CPEB3: variants seen among roughly 807,000 people sequenced by gnomAD.
The protein encoded by CPEB3 is cytoplasmic polyadenylation element binding protein 3.
Under a neutral mutation model 67.2 loss-of-function variants are expected in CPEB3, and 20 were observed. That is an observed-to-expected ratio of 0.30 (90% CI 0.21 to 0.43). The LOEUF is 0.43. CPEB3 is among the 20% of genes least tolerant of loss of function. CPEB3 has a pLI of 1.00. For synonymous variants in CPEB3, 376 were observed against 393.1 expected, an observed-to-expected ratio of 0.96 and a Z score of 0.51; for missense variants, 746 against 968.6, an observed-to-expected ratio of 0.77 and a Z score of 3.05.
In CPEB3 at chr10:92,049,746, T is replaced by A. The variant is rs1852222733; in HGVS notation, c.*2466A>T. 6.6e-6 allele frequency: 1 copy of A among 152,632 alleles called. No individual in the cohort carries two copies. Among genetic ancestry groups the A allele is most frequent in the Non-Finnish European group, 1.5e-5 (1 of 68,030 alleles). The allele number at this position is 152,632 out of a possible 1,614,324, so 9.5% of individuals were successfully genotyped here. ...CAATCTTCCAGCTTTTAAAAAAATC[T>A]CAGTGTTATTTTAATACATGAAAGA... On this transcript the variant is annotated 3_prime_UTR_variant, in exon 10 of 10. Coordinates refer to ENST00000265997, the MANE Select transcript of CPEB3 (RefSeq NM_014912.5).
At chr10:92,207,011 G>A (rs1590387697) in intron 2 of CPEB3, among the ~76,000 whole-genome samples, 1 of 151,818 alleles carries the variant, frequency 6.6e-6, no homozygotes, top group Admixed American at 6.6e-5. Flanking sequence ...TTTGAGACAG[G>A]GTCTCACTCT....
chr10:92,257,456 A>T (rs1245522930), intron 1 of CPEB3, among the ~76,000 whole-genome samples: 2 of 151,936 alleles, frequency 1.3e-5, no homozygotes, highest in Non-Finnish European at 2.9e-5. Context: ...CACCACACCC[A>T]GCTAATTTTT....
intron 4 of CPEB3, among the ~76,000 whole-genome samples, chr10:92,180,554 C>T (rs945282368): frequency 1.3e-5 from 2 of 152,214 alleles, no homozygotes; most frequent in African/African-American, 4.8e-5. Context: ...AAAGTAGCCA[C>T]AGACAATCCA....
chr10:92,091,914 T>C lies in CPEB3; in HGVS notation c.1603A>G (p.Ser535Gly). 6.2e-7 allele frequency: 1 copy of C among 1,613,690 alleles called. No individual in the cohort carries two copies. Among genetic ancestry groups the C allele is most frequent in the Non-Finnish European group, 8.5e-7 (1 of 1,179,862 alleles). The change falls in exon 8 of 10, where the codon AGT becomes GGT. Residue 535 changes from serine (S) to glycine (G), a missense_variant. By Grantham distance (56) the Ser-to-Gly change is moderately conservative. This residue lies in a region of CPEB3 where 103 missense variants were observed against 251.1 expected (regional missense o/e 0.41). Transcript: ENST00000265997. The part of the protein sequence containing the change: ...VQIRPWNLSD[S>G]DFVMDGSQPL... The stretch of plus-strand genomic sequence containing the variant: ...TGAGAACCATCCATTACAAAGTCAC[T>C]GTCACTTAGGTTCCATGGTCGAATT...
intron 7 of CPEB3, among the ~76,000 whole-genome samples, chr10:92,109,733 A>G: frequency 6.6e-6 from 1 of 151,962 alleles, no homozygotes; most frequent in East Asian, 1.9e-4. Context: ...TCCAATGAAT[A>G]CTCTCAATAT....
Position 92,052,210 on chromosome 10 carries a change from G to A in CPEB3, c.*2C>T. On this transcript the variant is annotated 3_prime_UTR_variant, in exon 10 of 10. Transcript: ENST00000265997. ...GTACTTGTGGCTGGGTCGGCCCGTG[G>A]CTCAGCTCCAGCGGAACGGGACGTG... 6.2e-7 allele frequency: 1 copy of A among 1,610,680 alleles called. No individual in the cohort carries two copies. The highest frequency in any genetic ancestry group is 1.1e-5 in the South Asian group (1 of 90,904).
intron 9 of CPEB3, among the ~76,000 whole-genome samples, chr10:92,067,706 T>G (rs530736640): frequency 4.0e-5 from 6 of 151,650 alleles, no homozygotes; most frequent in African/African-American, 1.5e-4. Context: ...TAATCCCAGC[T>G]ACTCAGGAGG....
chr10:92,225,825 G>A (rs937929515), intron 2 of CPEB3, among the ~76,000 whole-genome samples: 1 of 152,224 alleles, frequency 6.6e-6, no homozygotes, highest in South Asian at 2.1e-4. Flanking sequence ...TTGGCCGGGT[G>A]CAGTGGCTCA....
chr10:92,189,698 ATTTTTTTTT>A (rs1035403421), intron 3 of CPEB3, among the ~76,000 whole-genome samples: 6 of 88,052 alleles, frequency 6.8e-5, no homozygotes, highest in Non-Finnish European at 8.9e-5. Flanking sequence ...GTCTCTAGTG[ATTTTTTTTT>A]TTTTTTTTTT....
At chr10:92,258,630 A>ATG in intron 1 of CPEB3, among the ~76,000 whole-genome samples, 1 of 10,582 alleles carries the variant, frequency 9.5e-5, no homozygotes, top group East Asian at 1.3e-3. Context: ...TTTTGAATAT[A>ATG]TATATATATA....
chr10:92,111,863 A>C (rs1257977677), intron 6 of CPEB3, among the ~76,000 whole-genome samples: 3 of 152,144 alleles, frequency 2.0e-5, no homozygotes, highest in African/African-American at 2.4e-5. Flanking sequence ...CACACACACA[A>C]AAAGCTTCAA....
intron 2 of CPEB3, among the ~76,000 whole-genome samples, chr10:92,220,623 G>A (rs924387025): frequency 2.0e-5 from 3 of 150,522 alleles, no homozygotes; most frequent in Admixed American, 1.3e-4. Context: ...AAACAAGACA[G>A]GATCCTTTTG....
At chr10:92,061,630 CA>C (rs1192901845) in intron 9 of CPEB3, among the ~76,000 whole-genome samples, 1 of 151,934 alleles carries the variant, frequency 6.6e-6, no homozygotes, top group Admixed American at 6.6e-5. Context: ...ATCTAAAAAT[CA>C]AAACAATTGA....
chr10:92,119,593 C>G (rs1475869099), intron 6 of CPEB3, among the ~76,000 whole-genome samples: 1 of 152,098 alleles, frequency 6.6e-6, no homozygotes, highest in African/African-American at 2.4e-5. Flanking sequence ...AAGGACAATT[C>G]TGTTCACTGG....
At chr10:92,268,142 A>G (rs1252326025) in intron 1 of CPEB3, among the ~76,000 whole-genome samples, 1 of 152,138 alleles carries the variant, frequency 6.6e-6, no homozygotes, top group Non-Finnish European at 1.5e-5. Context: ...AGTTTGATGG[A>G]TAGAAAAATC....
At chr10:92,077,361 GACAGAGTA>G (rs1842974612) in intron 9 of CPEB3, among the ~76,000 whole-genome samples, 1 of 152,062 alleles carries the variant, frequency 6.6e-6, no homozygotes, top group Non-Finnish European at 1.5e-5. Context: ...AAACGAAGGG[GACAGAGTA>G]ACAGTTCTGG....
chr10:92,161,659 T>C (rs757422473), intron 4 of CPEB3, among the ~76,000 whole-genome samples: 2 of 151,954 alleles, frequency 1.3e-5, no homozygotes, highest in Non-Finnish European at 1.5e-5. Flanking sequence ...AGCTAATGAG[T>C]GCTTCCTATG....
At chr10:92,278,601 C>CTT (rs1294501874) in intron 1 of CPEB3, among the ~76,000 whole-genome samples, 2,019 of 129,168 alleles carry the variant, frequency 0.016, 61 homozygotes, top group African/African-American at 0.055. Context: ...TTGACTGGTT[C>CTT]TTTTTTTTTT....
At chr10:92,117,311 C>A (rs1193398696) in intron 6 of CPEB3, among the ~76,000 whole-genome samples, 1 of 142,068 alleles carries the variant, frequency 7.0e-6, no homozygotes, top group South Asian at 2.3e-4. Context: ...CATGAGCCAC[C>A]ATGCCTGGCT....
Sources: gnomAD v4.1 joint callset for allele counts (sites outside exome capture counted in the v4.1 genomes callset) on GRCh38, gnomAD v4.1.1 for gene constraint, gnomAD v4.1.1 regional missense constraint, MANE v1.5 for transcripts, NCBI Gene and HGNC (gene_info 2026-07-23, HGNC 2026-07-21) for gene names.